The following PIP5K1B variants were observed in gnomAD, a reference collection of about 807,000 sequenced individuals.
PIP5K1B encodes phosphatidylinositol-4-phosphate 5-kinase type 1 beta, also known as phosphatidylinositol 4-phosphate 5-kinase type-1 beta.
Under a neutral mutation model 67.0 loss-of-function variants are expected in PIP5K1B, and 42 were observed. The observed-to-expected ratio is 0.63, with a 90% CI of 0.49 to 0.81. The LOEUF (loss-of-function observed/expected upper bound fraction) is 0.81. Among genes scored for constraint, PIP5K1B ranks in the 30% least tolerant of loss-of-function variants. The probability of loss-of-function intolerance (pLI) is 0.00; values close to 1 mark genes in which losing one functional copy is unlikely to be tolerated. For missense variants in PIP5K1B, 459 were observed against 646.3 expected (o/e 0.71, Z 3.14); for synonymous variants, 214 against 231.4 (o/e 0.92, Z 0.68).
chr9:68,850,414 C>T (rs1344321359), intron 4 of PIP5K1B, among the ~76,000 whole-genome samples: 2 of 152,188 alleles, frequency 1.3e-5, no homozygotes, highest in Non-Finnish European at 2.9e-5. Flanking sequence ...CTGTTCTGTG[C>T]ATTGTAGGAT....
intron 14 of PIP5K1B, among the ~76,000 whole-genome samples, chr9:68,968,120 A>C (rs1386329577): frequency 2.6e-5 from 4 of 152,210 alleles, no homozygotes; most frequent in Non-Finnish European, 5.9e-5. Context: ...ATGCTTCCAC[A>C]ATTTCTCTAA....
At chr9:68,768,423 G>T (rs1051541923) in intron 2 of PIP5K1B, among the ~76,000 whole-genome samples, 3 of 152,142 alleles carry the variant, frequency 2.0e-5, no homozygotes, top group African/African-American at 7.2e-5. Flanking sequence ...GACAGAAGTT[G>T]GGTATACATA....
intron 5 of PIP5K1B, among the ~76,000 whole-genome samples, chr9:68,874,007 A>C (rs1394857835): frequency 6.6e-6 from 1 of 152,238 alleles, no homozygotes; most frequent in Non-Finnish European, 1.5e-5. Context: ...CCTAATTTAC[A>C]GAAGGCACTA....
intron 15 of PIP5K1B, among the ~76,000 whole-genome samples, chr9:68,995,096 A>G (rs139404780): frequency 0.016 from 2,429 of 151,770 alleles, 73 homozygotes; most frequent in African/African-American, 0.055. Context: ...GTGAGCCATG[A>G]TCTAGTCACT....
chr9:68,795,257 A>C (rs189506410), intron 2 of PIP5K1B, among the ~76,000 whole-genome samples: 1 of 152,190 alleles, frequency 6.6e-6, no homozygotes, highest in Admixed American at 6.5e-5. Flanking sequence ...GTGACTTCCA[A>C]GCTTTCTGAT....
chr9:68,821,265 CA>C (rs1833717260), intron 3 of PIP5K1B, among the ~76,000 whole-genome samples: 1 of 152,060 alleles, frequency 6.6e-6, no homozygotes. Flanking sequence ...CAAAAACAAA[CA>C]AAAAGGCAGA....
intron 2 of PIP5K1B, among the ~76,000 whole-genome samples, chr9:68,769,721 T>C (rs1335279027): frequency 3.9e-5 from 6 of 152,204 alleles, no homozygotes; most frequent in African/African-American, 1.2e-4. Context: ...GTATTTTTCT[T>C]ACCTCTAGTT....
In PIP5K1B at chr9:68,893,469, G is replaced by T. The variant is rs189388027; in HGVS notation, c.472-870G>T. Among the ~76,000 whole-genome samples the T allele has an allele frequency of 3.5e-3, 530 of 151,840 alleles. 1 individual carries two copies. Among genetic ancestry groups the T allele is most frequent in the African/African-American group, 0.012 (490 of 41,436 alleles). ...CTGCCTCAGCCTCCCGAGTAGCTGG[G>T]ATTACAGGCATGCGCCACCAGGCCA... On this transcript the variant is annotated intron_variant, in intron 7 of 15. Transcript: ENST00000265382.
intron 2 of PIP5K1B, among the ~76,000 whole-genome samples, chr9:68,792,690 A>C (rs1022420848): frequency 6.6e-6 from 1 of 152,190 alleles, no homozygotes; most frequent in African/African-American, 2.4e-5. Flanking sequence ...TGCATTAGCC[A>C]GGATGGTCTC....
At chr9:68,732,181 C>A (rs1462575723) in intron 1 of PIP5K1B, among the ~76,000 whole-genome samples, 1 of 152,162 alleles carries the variant, frequency 6.6e-6, no homozygotes, top group Non-Finnish European at 1.5e-5. Context: ...TTGGGACTTA[C>A]CACCTTTCAA....
chr9:68,852,607 A>T (rs1822549381), intron 4 of PIP5K1B, among the ~76,000 whole-genome samples: 1 of 152,156 alleles, frequency 6.6e-6, no homozygotes, highest in Admixed American at 6.5e-5. Context: ...GGCCTTACTG[A>T]TGGTAACCCA....
At chr9:68,752,225 T>C (rs986664103) in intron 2 of PIP5K1B, among the ~76,000 whole-genome samples, 4 of 152,208 alleles carry the variant, frequency 2.6e-5, no homozygotes, top group African/African-American at 9.6e-5. Context: ...AAATGTTCAC[T>C]GAATTGTATG....
At chr9:68,910,599 CTT>C (rs1338095578) in intron 8 of PIP5K1B, among the ~76,000 whole-genome samples, 1 of 152,174 alleles carries the variant, frequency 6.6e-6, no homozygotes, top group Non-Finnish European at 1.5e-5. Flanking sequence ...TCAAACCAGT[CTT>C]TGTTGAGAAA....
chr9:68,896,355 A>T (rs1030889532), intron 8 of PIP5K1B, among the ~76,000 whole-genome samples: 13 of 152,140 alleles, frequency 8.5e-5, no homozygotes, highest in African/African-American at 2.9e-4. Flanking sequence ...GCCAGAAAAA[A>T]AAAAAAAAGC....
intron 2 of PIP5K1B, among the ~76,000 whole-genome samples, chr9:68,800,548 A>C (rs1030350910): frequency 7.2e-5 from 11 of 152,122 alleles, no homozygotes; most frequent in African/African-American, 2.7e-4. Context: ...CATGGATAGC[A>C]TCTATGTCAA....
At chr9:68,735,993 G>T (rs927819644) in intron 1 of PIP5K1B, among the ~76,000 whole-genome samples, 2 of 152,180 alleles carry the variant, frequency 1.3e-5, no homozygotes, top group African/African-American at 4.8e-5. Context: ...AGCAGGGTCA[G>T]CCAGGTAATG....
At chr9:68,720,814 C>T (rs778024393) in intron 1 of PIP5K1B, among the ~76,000 whole-genome samples, 1 of 152,238 alleles carries the variant, frequency 6.6e-6, no homozygotes, top group Non-Finnish European at 1.5e-5. Context: ...GATTTTGTCA[C>T]TGCCGTGGCA....
chr9:68,946,802 C>T (rs1195726046), intron 14 of PIP5K1B, among the ~76,000 whole-genome samples: 1 of 152,198 alleles, frequency 6.6e-6, no homozygotes. Flanking sequence ...CTTGCTAAAT[C>T]ATCCCTTAGG....
intron 6 of PIP5K1B, among the ~76,000 whole-genome samples, chr9:68,886,641 C>T (rs1392895960): frequency 6.6e-6 from 1 of 152,190 alleles, no homozygotes; most frequent in East Asian, 1.9e-4. Flanking sequence ...AGCAATTGAT[C>T]TTTTATCCGC....
Sources: allele counts gnomAD v4.1 joint callset (sites outside exome capture counted in the v4.1 genomes callset), GRCh38; gene constraint gnomAD v4.1.1; transcripts MANE v1.5; gene names NCBI Gene and HGNC (gene_info 2026-07-23, HGNC 2026-07-21).